Variants in RBFOX1 observed in about 807,000 individuals in gnomAD.
RBFOX1 encodes RNA binding protein fox-1 homolog 1.
In RBFOX1, 8 loss-of-function variants were observed where a neutral mutation model predicts 57.7. The ratio of observed to expected loss-of-function variants is 0.14; its 90% confidence interval spans 0.08 to 0.25. RBFOX1 has a LOEUF of 0.25. Among genes scored for constraint, RBFOX1 ranks in the 10% least tolerant of loss-of-function variants. RBFOX1 has a pLI of 1.00. For synonymous variants in RBFOX1, 326 were observed against 222.4 expected (o/e 1.47, Z -4.15); for missense variants, 611 against 548.5 (o/e 1.11, Z -1.14).
chr16:6,996,685 C>T (rs1490855517), intron 3 of RBFOX1, among the ~76,000 whole-genome samples: 1 of 152,138 alleles, frequency 6.6e-6, no homozygotes, highest in African/African-American at 2.4e-5. Flanking sequence ...TAGTAAGTGG[C>T]AGGATTGGGA....
intron 3 of RBFOX1, among the ~76,000 whole-genome samples, chr16:6,882,572 G>C (rs896555352): frequency 6.6e-6 from 1 of 152,030 alleles, no homozygotes; most frequent in Non-Finnish European, 1.5e-5. Flanking sequence ...CTGCAGCCTC[G>C]GTGGCAGAGT....
intron 1 of RBFOX1, among the ~76,000 whole-genome samples, chr16:6,075,359 A>T (rs1464977456): frequency 6.6e-6 from 1 of 152,240 alleles, no homozygotes; most frequent in African/African-American, 2.4e-5. Context: ...ACAAACATCC[A>T]TTGATATTCT....
intron 2 of RBFOX1, among the ~76,000 whole-genome samples, chr16:5,530,609 C>A (rs913324285): frequency 1.3e-5 from 2 of 152,158 alleles, no homozygotes; most frequent in Non-Finnish European, 2.9e-5. Context: ...GGGTGATATT[C>A]TGTGCATTGT....
intron 3 of RBFOX1, among the ~76,000 whole-genome samples, chr16:6,895,488 T>TATATATATA (rs1567761887): frequency 2.9e-4 from 19 of 65,650 alleles, no homozygotes; most frequent in East Asian, 6.7e-4. Flanking sequence ...ATATATATAT[T>TATATATATA]TATTCCCCTA....
chr16:7,677,332 A>G (rs1465267360), intron 14 of RBFOX1, among the ~76,000 whole-genome samples: 1 of 152,150 alleles, frequency 6.6e-6, no homozygotes, highest in Non-Finnish European at 1.5e-5. Context: ...AATTCTAAAT[A>G]AAGGAGAGGG....
chr16:7,516,196 A>G (rs2076317990), intron 4 of RBFOX1, among the ~76,000 whole-genome samples: 1 of 152,132 alleles, frequency 6.6e-6, no homozygotes, highest in Non-Finnish European at 1.5e-5. Flanking sequence ...ACAGCTGCCC[A>G]TCACCGTGGA....
At chr16:6,768,979 G>A (rs772650244) in intron 3 of RBFOX1, among the ~76,000 whole-genome samples, 6 of 151,996 alleles carry the variant, frequency 3.9e-5, no homozygotes, top group East Asian at 1.9e-4. Context: ...TGCCTGCCTC[G>A]GGCTCCCAAA....
intron 3 of RBFOX1, among the ~76,000 whole-genome samples, chr16:6,727,329 T>A (rs917683807): frequency 1.1e-4 from 16 of 152,152 alleles, no homozygotes; most frequent in African/African-American, 3.6e-4. Context: ...CGCAATTGCT[T>A]TTGCACCAAC....
chr16:6,573,582 G>C (rs1438526218), intron 2 of RBFOX1, among the ~76,000 whole-genome samples: 1 of 152,164 alleles, frequency 6.6e-6, no homozygotes, highest in East Asian at 1.9e-4. Context: ...CACATAGTGC[G>C]ATTTTGAAAG....
intron 4 of RBFOX1, among the ~76,000 whole-genome samples, chr16:7,330,287 C>G (rs1162839195): frequency 6.6e-6 from 1 of 151,432 alleles, no homozygotes; most frequent in African/African-American, 2.4e-5. Flanking sequence ...CTTCTGAAGC[C>G]TAATACAATG....
At chr16:6,637,051 CAT>C (rs1347139282) in intron 2 of RBFOX1, among the ~76,000 whole-genome samples, 10 of 96,272 alleles carry the variant, frequency 1.0e-4, no homozygotes, top group Non-Finnish European at 1.7e-4. Flanking sequence ...TATGTATAAA[CAT>C]ATTTATATGT....
At chr16:6,511,913 A>G (rs1434241137) in intron 2 of RBFOX1, among the ~76,000 whole-genome samples, 1 of 152,080 alleles carries the variant, frequency 6.6e-6, no homozygotes, top group Non-Finnish European at 1.5e-5. Flanking sequence ...TCTATTTCAT[A>G]AAGTTCAGAT....
At chr16:7,017,462 G>A (rs2093974174) in intron 3 of RBFOX1, among the ~76,000 whole-genome samples, 1 of 152,192 alleles carries the variant, frequency 6.6e-6, no homozygotes, top group Admixed American at 6.5e-5. Flanking sequence ...CGCACACACT[G>A]ACGCGCGCAC....
At chr16:6,320,231 A>G (rs2081604918) in intron 2 of RBFOX1, among the ~76,000 whole-genome samples, 1 of 152,120 alleles carries the variant, frequency 6.6e-6, no homozygotes, top group Non-Finnish European at 1.5e-5. Flanking sequence ...CACACAGGAG[A>G]TTAGACTCGC....
intron 3 of RBFOX1, among the ~76,000 whole-genome samples, chr16:6,770,691 G>C (rs891643896): frequency 3.3e-5 from 5 of 152,114 alleles, no homozygotes; most frequent in Non-Finnish European, 7.4e-5. Flanking sequence ...TTCTCCGTCT[G>C]CCTGGGAGGC....
At chr16:5,837,429 C>A (rs2056495772) in intron 3 of RBFOX1, among the ~76,000 whole-genome samples, 1 of 152,050 alleles carries the variant, frequency 6.6e-6, no homozygotes, top group South Asian at 2.1e-4. Context: ...CTGACTCAGA[C>A]ATGGGCTTTC....
chr16:5,799,793 G>A (rs933011784), intron 3 of RBFOX1, among the ~76,000 whole-genome samples: 6 of 152,086 alleles, frequency 3.9e-5, no homozygotes, highest in Non-Finnish European at 7.4e-5. Context: ...AGGAGCTTCT[G>A]AATAGCTCTT....
intron 3 of RBFOX1, among the ~76,000 whole-genome samples, chr16:6,688,864 A>G (rs562770651): frequency 1.3e-5 from 2 of 152,152 alleles, no homozygotes; most frequent in East Asian, 1.9e-4. Context: ...TTCAACTCCC[A>G]CTTATGAGGG....
chr16:7,529,154 G>A (rs1172290027), intron 5 of RBFOX1, among the ~76,000 whole-genome samples: 4 of 152,086 alleles, frequency 2.6e-5, no homozygotes, highest in African/African-American at 7.2e-5. Flanking sequence ...CCCACTGCTC[G>A]GGAGGCTGAG....
Sources: allele counts gnomAD v4.1 joint callset (sites outside exome capture counted in the v4.1 genomes callset), GRCh38; gene constraint gnomAD v4.1.1; transcripts MANE v1.5; gene names NCBI Gene and HGNC (gene_info 2026-07-23, HGNC 2026-07-21).